RPH3A: variants seen among roughly 807,000 people sequenced by gnomAD.
The protein encoded by RPH3A is rabphilin 3A, also known as rabphilin-3A.
A neutral mutation model predicts 102.2 loss-of-function variants in RPH3A; 48 were observed. The observed-to-expected ratio is 0.47, with a 90% CI of 0.37 to 0.60. RPH3A has a LOEUF of 0.60. Ranked by LOEUF, RPH3A falls within the 20% of genes least tolerant of loss-of-function variation. The pLI is 0.00. For missense variants in RPH3A, 781 were observed against 910.1 expected, an observed-to-expected ratio of 0.86 and a Z score of 1.83; for synonymous variants, 310 against 324.3, an observed-to-expected ratio of 0.96 and a Z score of 0.47.
chr12:112,897,725 C>G lies in RPH3A; in HGVS notation c.*945C>G, dbSNP rs749264064. On this transcript the variant is annotated 3_prime_UTR_variant, in exon 22 of 22. Coordinates refer to ENST00000389385, the MANE Select transcript of RPH3A (RefSeq NM_001143854.2). ...AAACCTGAGATTCCACTTGGGCCCA[C>G]GCTTCTTAACTGACCCACTCCTCCC... 3 of 152,376 alleles carry G rather than the reference C, an allele frequency of 2.0e-5. No individual in the cohort carries two copies. The East Asian group carries it at 5.8e-4, about 29-fold the overall frequency. 9.4% of individuals were successfully genotyped at this position (152,376 alleles called of 1,614,324 possible). A position where few individuals can be genotyped will look rare whatever the true frequency, so the allele number is the denominator to read the frequency against.
At chr12:112,813,047 C>T (rs2041607531) in intron 2 of RPH3A, among the ~76,000 whole-genome samples, 1 of 152,200 alleles carries the variant, frequency 6.6e-6, no homozygotes, top group African/African-American at 2.4e-5. Context: ...TTTAACATCC[C>T]TGTAAGATAG....
chr12:112,588,715 C>T (rs1223947249), intron 1 of RPH3A, among the ~76,000 whole-genome samples: 1 of 152,240 alleles, frequency 6.6e-6, no homozygotes, highest in Non-Finnish European at 1.5e-5. Flanking sequence ...ACTTTGCCTT[C>T]TCCAAGGCCA....
chr12:112,624,220 T>C (rs1164544834), intron 1 of RPH3A, among the ~76,000 whole-genome samples: 1 of 140,744 alleles, frequency 7.1e-6, no homozygotes, highest in Admixed American at 7.1e-5. Flanking sequence ...AGAGCAGAAC[T>C]GAAGGAAATA....
At chr12:112,826,129 C>T (rs7309495) in intron 2 of RPH3A, among the ~76,000 whole-genome samples, 28,676 of 151,932 alleles carry the variant, frequency 0.19, 3,713 homozygotes, top group African/African-American at 0.35. Context: ...TTAAACTGAG[C>T]GGTCAGGGAG....
intron 1 of RPH3A, among the ~76,000 whole-genome samples, chr12:112,764,002 T>G (rs888127354): frequency 2.6e-5 from 4 of 152,198 alleles, no homozygotes; most frequent in Non-Finnish European, 5.9e-5. Flanking sequence ...GCTCTCCATC[T>G]TCTGCCTAAG....
At chr12:112,887,727 A>G in intron 16 of RPH3A, 70 bp from the exon 17 acceptor site, 1 of 1,529,172 alleles carries the variant, frequency 6.5e-7, no homozygotes, top group South Asian at 1.2e-5. Flanking sequence ...ATCAGCTGCA[A>G]CTCTTGGCAC....
At chr12:112,755,640 G>A (rs1303099472) in intron 1 of RPH3A, among the ~76,000 whole-genome samples, 1 of 152,038 alleles carries the variant, frequency 6.6e-6, no homozygotes, top group Non-Finnish European at 1.5e-5. Flanking sequence ...TATCCCTTCA[G>A]CCTGGCCCTT....
intron 1 of RPH3A, among the ~76,000 whole-genome samples, chr12:112,646,574 A>C (rs2039932648): frequency 6.6e-6 from 1 of 152,134 alleles, no homozygotes; most frequent in African/African-American, 2.4e-5. Context: ...TGGCCAGTAC[A>C]TCACCAAAGA....
chr12:112,630,711 C>T (rs1356334270), intron 1 of RPH3A, among the ~76,000 whole-genome samples: 1 of 152,140 alleles, frequency 6.6e-6, no homozygotes, highest in Non-Finnish European at 1.5e-5. Flanking sequence ...TCTTTATCTC[C>T]TGTAATTCAG....
At chr12:112,613,193 G>C (rs1003211991) in intron 1 of RPH3A, among the ~76,000 whole-genome samples, 1 of 152,180 alleles carries the variant, frequency 6.6e-6, no homozygotes, top group Non-Finnish European at 1.5e-5. Context: ...CACAAATCTG[G>C]TATGGGTCAT....
At chr12:112,780,416 A>G (rs990173990) in intron 1 of RPH3A, among the ~76,000 whole-genome samples, 2 of 150,698 alleles carry the variant, frequency 1.3e-5, no homozygotes, top group South Asian at 2.1e-4. Context: ...TTGTGAAAAC[A>G]TCTCATGTCC....
chr12:112,794,524 G>T (rs921228256), intron 2 of RPH3A, among the ~76,000 whole-genome samples: 1 of 152,184 alleles, frequency 6.6e-6, no homozygotes, highest in Non-Finnish European at 1.5e-5. Context: ...GATGCACAGA[G>T]ATGTAGATTT....
Position 112,865,472 on chromosome 12 carries a change from C to T in RPH3A, c.289C>T (p.Arg97Cys), listed in dbSNP as rs200472051. 7.9e-5 allele frequency: 128 copies of T among 1,613,976 alleles called. 1 individual carries two copies. Among genetic ancestry groups the T allele is most frequent in the African/African-American group, 3.7e-4 (28 of 74,986 alleles). The change falls in exon 6 of 22, where the codon CGC becomes TGC. Residue 97 changes from arginine (R) to cysteine (C), a missense_variant. Around this residue, in one of 2 missense-constraint regions of RPH3A, gnomAD observed 730 missense variants for 810.0 expected, o/e 0.90. Transcript: ENST00000389385. Reference sequence around the variant, plus strand: ...GAACGTGGCTGGAGATGGGGTGAACCGCTGCATACTGTGTGGAGAACAGCT... The same window carrying T: ...GAACGTGGCTGGAGATGGGGTGAACTGCTGCATACTGTGTGGAGAACAGCT... ...RKNVAGDGVN[R>C]CILCGEQLGM...
chr12:112,739,602 G>A (rs2136053872), intron 1 of RPH3A, among the ~76,000 whole-genome samples: 1 of 152,292 alleles, frequency 6.6e-6, no homozygotes, highest in Admixed American at 6.5e-5. Flanking sequence ...AAGGAGCTGT[G>A]GTTTATTTGC....
chr12:112,798,661 C>T (rs560724618), intron 2 of RPH3A, among the ~76,000 whole-genome samples: 1 of 152,266 alleles, frequency 6.6e-6, no homozygotes, highest in South Asian at 2.1e-4. Flanking sequence ...CCCCCTTTCC[C>T]CTTTCCGTCT....
At chr12:112,667,800 T>C (rs2040098409) in intron 1 of RPH3A, among the ~76,000 whole-genome samples, 1 of 151,494 alleles carries the variant, frequency 6.6e-6, no homozygotes, top group Non-Finnish European at 1.5e-5. Context: ...GACACAGCCA[T>C]CCTGAGGCAA....
intron 1 of RPH3A, among the ~76,000 whole-genome samples, chr12:112,677,637 T>G (rs1292336003): frequency 6.6e-6 from 1 of 151,810 alleles, no homozygotes; most frequent in East Asian, 1.9e-4. Context: ...TCGAATAGGT[T>G]GTTTGACAAC....
At chr12:112,751,245 G>A (rs185128160) in intron 1 of RPH3A, among the ~76,000 whole-genome samples, 73 of 152,298 alleles carry the variant, frequency 4.8e-4, no homozygotes, top group African/African-American at 1.6e-3. Flanking sequence ...TTCATCATGC[G>A]ATGTTGGTGG....
chr12:112,690,886 TG>T lies in RPH3A; in HGVS notation c.-139-101250del, dbSNP rs11452563. Among the ~76,000 whole-genome samples the T allele has an allele frequency of 6.8e-3, 1,027 of 152,086 alleles. 14 individuals are homozygous for T. The highest frequency in any genetic ancestry group is 0.023 in the African/African-American group (965 of 41,506). On this transcript the variant is annotated intron_variant, in intron 1 of 21. Transcript: ENST00000543106. ...CATGACTCTCTTCATTCCAAAAGCA[TG>T]GGGGGGATACTTGAAGGGGCAGGAA...
Sources: gnomAD v4.1 joint callset for allele counts (sites outside exome capture counted in the v4.1 genomes callset) on GRCh38, gnomAD v4.1.1 for gene constraint, gnomAD v4.1.1 regional missense constraint, MANE v1.5 for transcripts, NCBI Gene and HGNC (gene_info 2026-07-23, HGNC 2026-07-21) for gene names.